The following NNT variants were observed in gnomAD, a reference collection of about 807,000 sequenced individuals.
The protein encoded by NNT is NAD(P) transhydrogenase, mitochondrial.
NNT carries 50 observed loss-of-function variants against 104.8 expected under a neutral mutation model. The ratio of observed to expected loss-of-function variants is 0.48; its 90% CI spans 0.38 to 0.60. The LOEUF (loss-of-function observed/expected upper bound fraction) is 0.60, where lower values mean the gene tolerates loss of function less well. Among genes scored for constraint, NNT ranks in the 20% least tolerant of loss-of-function variants. The pLI is 0.00. For missense variants in NNT, 1,131 were observed against 1,330.7 expected, an observed-to-expected ratio of 0.85 and a Z score of 2.33; for synonymous variants, 461 against 490.4, an observed-to-expected ratio of 0.94 and a Z score of 0.79.
intron 19 of NNT, among the ~76,000 whole-genome samples, chr5:43,698,212 A>G (rs969806511): frequency 2.6e-5 from 4 of 151,852 alleles, no homozygotes; most frequent in South Asian, 2.1e-4. Flanking sequence ...ATGAAAATAT[A>G]TATATATTGC....
chr5:43,649,312 TG>T lies in NNT; in HGVS notation c.1606+5del. 1.2e-6 allele frequency: 2 copies of T among 1,614,036 alleles called. No individual in the cohort carries two copies. The highest frequency in any genetic ancestry group is 1.7e-6 in the Non-Finnish European group (2 of 1,179,908). ...TCTGTGACAAATGCAATCTCAGGTTTGTTCCTCTCTTGTTTTTCCTCATCTC... is the reference window on the plus strand; with the variant it reads ...TCTGTGACAAATGCAATCTCAGGTTTTTCCTCTCTTGTTTTTCCTCATCTC... On this transcript the variant is annotated splice_donor_5th_base_variant and intron_variant, in intron 11 of 21. Coordinates refer to ENST00000344920, the MANE Select transcript of NNT (RefSeq NM_182977.3).
intron 7 of NNT, among the ~76,000 whole-genome samples, chr5:43,641,457 A>G (rs947801753): frequency 1.3e-5 from 2 of 152,132 alleles, no homozygotes; most frequent in Non-Finnish European, 2.9e-5. Flanking sequence ...TTTGGAGATA[A>G]GGAAAAGCAC....
rs1740079438 is a variant in NNT, at chr5:43,656,791, T to C, written c.2432T>C (p.Val811Ala). ...ACTGGCATCACCTGTCTGGGTTCAG[T>C]GTCTGCTCTCTCTGCTGTCATGGTA... ...FTTGITCLGS[V>A]SALSAVMGVT... The change falls in exon 16 of 22, where the codon GTG becomes GCG. Residue 811 changes from valine (V) to alanine (A), a missense_variant. Coordinates refer to ENST00000344920, the MANE Select transcript of NNT (RefSeq NM_182977.3). The C allele has an allele frequency of 6.2e-7, 1 of 1,613,540 alleles. No individual in the cohort carries two copies. Among genetic ancestry groups the C allele is most frequent in the African/African-American group, 1.3e-5 (1 of 74,922 alleles).
intron 19 of NNT, among the ~76,000 whole-genome samples, chr5:43,680,646 T>A (rs1280257618): frequency 2.0e-5 from 3 of 152,348 alleles, no homozygotes; most frequent in Non-Finnish European, 4.4e-5. Flanking sequence ...GAGACACTCC[T>A]GTTTTCCTTT....
intron 17 of NNT, among the ~76,000 whole-genome samples, chr5:43,675,038 T>G (rs772045430): frequency 6.6e-6 from 1 of 152,146 alleles, no homozygotes; most frequent in Non-Finnish European, 1.5e-5. Flanking sequence ...ATATTTCTAT[T>G]TTCTTGATGA....
chr5:43,688,854 G>A (rs1446546486), intron 19 of NNT, among the ~76,000 whole-genome samples: 3 of 152,180 alleles, frequency 2.0e-5, no homozygotes, highest in Non-Finnish European at 2.9e-5. Flanking sequence ...TGCTATAAAC[G>A]TGTGTGCAAA....
intron 19 of NNT, among the ~76,000 whole-genome samples, chr5:43,687,653 A>G (rs1742054624): frequency 6.6e-6 from 1 of 152,152 alleles, no homozygotes; most frequent in Non-Finnish European, 1.5e-5. Context: ...CTGACTTTAG[A>G]GTCATAAAGT....
intron 6 of NNT, among the ~76,000 whole-genome samples, chr5:43,625,394 T>C (rs1750307461): frequency 1.3e-5 from 2 of 152,162 alleles, no homozygotes; most frequent in African/African-American, 4.8e-5. Flanking sequence ...ATTAAGTTTG[T>C]TATACGGGTA....
intron 17 of NNT, among the ~76,000 whole-genome samples, chr5:43,668,070 T>G (rs1052304414): frequency 3.9e-5 from 6 of 152,246 alleles, no homozygotes; most frequent in African/African-American, 1.4e-4. Flanking sequence ...ATGTCTTCTT[T>G]TGAGAAGTGT....
At chr5:43,616,110 A>G in intron 4 of NNT, 45 bp downstream of exon 4, 1 of 1,472,516 alleles carries the variant, frequency 6.8e-7, no homozygotes, top group Non-Finnish European at 9.4e-7. Context: ...CAATAGTGCT[A>G]CAGAAACCTT....
chr5:43,668,244 GTTTT>G (rs57590117), intron 17 of NNT, among the ~76,000 whole-genome samples: 1 of 138,324 alleles, frequency 7.2e-6, no homozygotes, highest in Non-Finnish European at 1.6e-5. Flanking sequence ...TCTGATGGTG[GTTTT>G]TTTTTTTTTT....
chr5:43,655,420 A>G (rs1343600721), intron 14 of NNT, among the ~76,000 whole-genome samples: 3 of 152,256 alleles, frequency 2.0e-5, no homozygotes, highest in Non-Finnish European at 4.4e-5. Flanking sequence ...ATGACATCAC[A>G]AGTGGTGAAT....
In NNT at chr5:43,666,942, G is replaced by A. The variant is rs543202460; in HGVS notation, c.2634+7592G>A. ...TCCCAAGCTTGGGGTGGGCAATGTA[G>A]GCAAGTGGATCGAGCTTGCGGCTGA... On this transcript the variant is annotated intron_variant, in intron 17 of 21. Coordinates refer to ENST00000344920, the MANE Select transcript of NNT (RefSeq NM_182977.3). 5,740 of 1,586,778 alleles carry A rather than the reference G, an allele frequency of 3.6e-3. 26 individuals carry two copies. Among genetic ancestry groups the A allele is most frequent in the Non-Finnish European group, 3.7e-3 (4,279 of 1,170,922 alleles).
intron 10 of NNT, 190 bp downstream of exon 10, chr5:43,645,700 TA>T: frequency 9.1e-5 from 10 of 109,640 alleles, no homozygotes; most frequent in African/African-American, 3.7e-4. Context: ...TATATATATA[TA>T]TATATATATT....
intron 7 of NNT, among the ~76,000 whole-genome samples, chr5:43,629,586 C>T (rs931814930): frequency 6.6e-6 from 1 of 152,202 alleles, no homozygotes; most frequent in Admixed American, 6.5e-5. Flanking sequence ...AGTTTACATT[C>T]CCACTAGCAG....
Position 43,644,655 on chromosome 5 carries a change from C to T in NNT, c.1143C>T (p.Ala381=), listed in dbSNP as rs753702143. The T allele has an allele frequency of 1.2e-6, 2 of 1,614,076 alleles. No homozygotes were observed. Among genetic ancestry groups the T allele is most frequent in the Non-Finnish European group, 1.7e-6 (2 of 1,179,992 alleles). ...IGYTDLPSRM[A]TQASTLYSNN... The stretch of plus-strand genomic sequence containing the variant: ...ACACAGACCTGCCCAGCCGAATGGC[C>T]ACTCAGGCCAGCACCCTATATTCCA... Residue 381 remains alanine, a synonymous_variant, in exon 9 of 22, where the codon GCC becomes GCT. Coordinates refer to ENST00000344920, the MANE Select transcript of NNT (RefSeq NM_182977.3).
chr5:43,700,601 G>A (rs527308883), intron 20 of NNT, among the ~76,000 whole-genome samples: 1 of 152,296 alleles, frequency 6.6e-6, no homozygotes, highest in South Asian at 2.1e-4. Flanking sequence ...GAGTGCTTCT[G>A]TTGATAATTT....
At chr5:43,674,378 G>A (rs1741295531) in intron 17 of NNT, among the ~76,000 whole-genome samples, 1 of 152,020 alleles carries the variant, frequency 6.6e-6, no homozygotes, top group Non-Finnish European at 1.5e-5. Context: ...ATCATTGTGT[G>A]GGGTGGCCAT....
chr5:43,640,330 C>T (rs929325418), intron 7 of NNT, among the ~76,000 whole-genome samples: 1 of 152,062 alleles, frequency 6.6e-6, no homozygotes, highest in Non-Finnish European at 1.5e-5. Context: ...CCATGTCTCC[C>T]TTTATTGTGT....
Sources: allele counts gnomAD v4.1 joint callset (sites outside exome capture counted in the v4.1 genomes callset), GRCh38; gene constraint gnomAD v4.1.1; transcripts MANE v1.5; gene names NCBI Gene and HGNC (gene_info 2026-07-23, HGNC 2026-07-21).